The following LRP1B variants were observed in gnomAD, a reference collection of about 807,000 sequenced individuals.
LRP1B encodes the protein low-density lipoprotein receptor-related protein 1B.
Under a neutral mutation model 556.6 loss-of-function variants are expected in LRP1B, and 217 were observed. The ratio of observed to expected loss-of-function variants is 0.39; its 90% CI spans 0.35 to 0.44. The LOEUF is 0.44. Ranked by LOEUF, LRP1B falls within the 20% of genes least tolerant of loss-of-function variation. LRP1B has a pLI of 1.00. For synonymous variants in LRP1B, 2,047 were observed against 1,865.8 expected, an observed-to-expected ratio of 1.10 and a Z score of -2.50; for missense variants, 5,053 against 5,620.8, an observed-to-expected ratio of 0.90 and a Z score of 3.23.
chr2:140,919,581 T>C (rs1694678229), intron 21 of LRP1B, among the ~76,000 whole-genome samples: 1 of 152,074 alleles, frequency 6.6e-6, no homozygotes, highest in Non-Finnish European at 1.5e-5. Context: ...GCTTTATTTC[T>C]ATTGACCCTA....
At chr2:140,603,037 G>A (rs1202717015) in intron 41 of LRP1B, among the ~76,000 whole-genome samples, 1 of 151,930 alleles carries the variant, frequency 6.6e-6, no homozygotes, top group Non-Finnish European at 1.5e-5. Context: ...TTGGATATGG[G>A]TTTATAATGG....
At chr2:141,962,440 G>A (rs546289115) in intron 1 of LRP1B, among the ~76,000 whole-genome samples, 5 of 151,650 alleles carry the variant, frequency 3.3e-5, no homozygotes, top group Admixed American at 6.6e-5. Flanking sequence ...TTTATAATTA[G>A]CCAGAAAATG....
chr2:141,341,229 A>AC (rs2105516186), intron 3 of LRP1B, among the ~76,000 whole-genome samples: 1 of 152,326 alleles, frequency 6.6e-6, no homozygotes, highest in Admixed American at 6.5e-5. Context: ...GCAGCTTTCA[A>AC]CAGTGCCTAA....
intron 86 of LRP1B, among the ~76,000 whole-genome samples, chr2:140,263,527 T>TC (rs1387523707): frequency 1.3e-5 from 2 of 152,088 alleles, no homozygotes; most frequent in Non-Finnish European, 2.9e-5. Flanking sequence ...AATTTATCTT[T>TC]CCCCTCTCAC....
intron 53 of LRP1B, 51 bp from the exon 54 acceptor site, chr2:140,503,154 G>A (rs574371424): frequency 1.3e-6 from 2 of 1,539,428 alleles, no homozygotes; most frequent in East Asian, 4.5e-5. Context: ...AATACTAATT[G>A]AAACGTCATC....
chr2:140,818,010 A>C lies in LRP1B; in HGVS notation c.5210-4204T>G, dbSNP rs1354390577. ...TCCTGGGCCTCAGTATTTTTAAAAT[A>C]TCTCTGCAGGTAATTTTGTGATATA... On this transcript the variant is annotated intron_variant, in intron 31 of 90. Coordinates refer to ENST00000389484, the MANE Select transcript of LRP1B (RefSeq NM_018557.3). Among the ~76,000 whole-genome samples the C allele has an allele frequency of 2.0e-5, 3 of 152,158 alleles. 1 individual carries two copies. Among genetic ancestry groups the C allele is most frequent in the South Asian group, 4.1e-4 (2 of 4,838 alleles).
chr2:140,542,631 G>T (rs996235507), intron 43 of LRP1B, among the ~76,000 whole-genome samples: 4 of 152,100 alleles, frequency 2.6e-5, no homozygotes, highest in African/African-American at 9.7e-5. Context: ...AGGAAATACT[G>T]GGTGCATCCC....
chr2:141,118,957 AC>A (rs943434000), intron 7 of LRP1B, among the ~76,000 whole-genome samples: 3 of 151,818 alleles, frequency 2.0e-5, no homozygotes, highest in Non-Finnish European at 2.9e-5. Context: ...TATAGTTAAA[AC>A]AAAGAAAAAA....
At chr2:141,053,888 C>T (rs1699108366) in intron 10 of LRP1B, among the ~76,000 whole-genome samples, 1 of 151,344 alleles carries the variant, frequency 6.6e-6, no homozygotes, top group Non-Finnish European at 1.5e-5. Flanking sequence ...ATTTTTAAAT[C>T]ACACACTACA....
chr2:141,421,528 C>CAAAAA (rs34839214), intron 3 of LRP1B, among the ~76,000 whole-genome samples: 2 of 138,266 alleles, frequency 1.4e-5, no homozygotes, highest in Admixed American at 7.1e-5. Flanking sequence ...GACTCTGTCT[C>CAAAAA]AAAAAAAAAA....
chr2:141,567,547 G>A (rs952574165), intron 2 of LRP1B, among the ~76,000 whole-genome samples: 3 of 151,914 alleles, frequency 2.0e-5, no homozygotes, highest in African/African-American at 7.2e-5. Context: ...ATTTGACCAA[G>A]GAAAAGTATT....
At chr2:141,266,055 T>G (rs917593452) in intron 3 of LRP1B, among the ~76,000 whole-genome samples, 1 of 152,094 alleles carries the variant, frequency 6.6e-6, no homozygotes, top group Admixed American at 6.6e-5. Context: ...CCAGGCGCGG[T>G]GGCTCACGCC....
At chr2:140,327,094 A>ACAATGCAGTTAAATAC (rs1400704483) in intron 79 of LRP1B, among the ~76,000 whole-genome samples, 4 of 152,112 alleles carry the variant, frequency 2.6e-5, no homozygotes, top group African/African-American at 9.7e-5. Context: ...CTTCGGAAGT[A>ACAATGCAGTTAAATAC]CAATGCAGTT....
At chr2:140,765,396 G>C (rs1236775260) in intron 35 of LRP1B, among the ~76,000 whole-genome samples, 1 of 152,122 alleles carries the variant, frequency 6.6e-6, no homozygotes, top group East Asian at 1.9e-4. Flanking sequence ...ATATTGAATA[G>C]AGCATTACTT....
At chr2:140,725,505 C>T (rs1050686101) in intron 35 of LRP1B, among the ~76,000 whole-genome samples, 1 of 132,152 alleles carries the variant, frequency 7.6e-6, no homozygotes, top group African/African-American at 2.9e-5. Context: ...AAAAGGTGTT[C>T]TTGGGAACAT....
intron 45 of LRP1B, among the ~76,000 whole-genome samples, chr2:140,540,487 G>C (rs1036567981): frequency 2.6e-5 from 4 of 152,072 alleles, no homozygotes; most frequent in Non-Finnish European, 5.9e-5. Context: ...ATGCAAGGCT[G>C]CAATGTTGCA....
intron 66 of LRP1B, among the ~76,000 whole-genome samples, chr2:140,429,133 T>A (rs1685798996): frequency 6.6e-6 from 1 of 152,092 alleles, no homozygotes; most frequent in Non-Finnish European, 1.5e-5. Context: ...CAATATCCAA[T>A]CCTGCAGCAC....
intron 85 of LRP1B, among the ~76,000 whole-genome samples, chr2:140,271,040 G>A (rs184377691): frequency 3.9e-5 from 6 of 151,990 alleles, no homozygotes; most frequent in South Asian, 2.1e-4. Flanking sequence ...AGTTAAAGTC[G>A]CATCACAGGT....
chr2:140,925,944 ATTGT>A (rs1559198332), intron 20 of LRP1B, among the ~76,000 whole-genome samples: 1 of 151,418 alleles, frequency 6.6e-6, no homozygotes, highest in Non-Finnish European at 1.5e-5. Context: ...TTTGTTTGCT[ATTGT>A]TTATTTATTT....
Sources: gnomAD v4.1 joint callset for allele counts (sites outside exome capture counted in the v4.1 genomes callset) on GRCh38, gnomAD v4.1.1 for gene constraint, MANE v1.5 for transcripts, NCBI Gene and HGNC (gene_info 2026-07-23, HGNC 2026-07-21) for gene names.